SGCZ: variants seen among roughly 807,000 people sequenced by gnomAD.
SGCZ encodes zeta-sarcoglycan.
SGCZ carries 40 observed loss-of-function variants against 41.3 expected under a neutral mutation model. That is an observed-to-expected ratio of 0.97 (90% CI 0.75 to 1.26). SGCZ has a LOEUF of 1.26. Ranked by LOEUF, SGCZ falls within the 50% of genes most tolerant of loss-of-function variation. The pLI, the probability that SGCZ is intolerant of heterozygous loss-of-function variation, is 0.00. For synonymous variants in SGCZ, 206 were observed against 137.5 expected, an observed-to-expected ratio of 1.50 and a Z score of -3.49; for missense variants, 552 against 369.8, an observed-to-expected ratio of 1.49 and a Z score of -4.04.
chr8:14,665,080 T>C (rs139674807), intron 1 of SGCZ, among the ~76,000 whole-genome samples: 2,622 of 152,320 alleles, frequency 0.017, 37 homozygotes, highest in Non-Finnish European at 0.027. Flanking sequence ...TTGTTACATA[T>C]GTATACATGC....
intron 1 of SGCZ, among the ~76,000 whole-genome samples, chr8:15,219,510 T>A (rs760391568): frequency 2.0e-5 from 3 of 152,218 alleles, no homozygotes; most frequent in Non-Finnish European, 4.4e-5. Context: ...GGTGTGTTTT[T>A]TCTTTTATGT....
At chr8:14,994,323 C>T (rs1372493147) in intron 1 of SGCZ, among the ~76,000 whole-genome samples, 1 of 152,116 alleles carries the variant, frequency 6.6e-6, no homozygotes, top group African/African-American at 2.4e-5. Context: ...GTGGCTCCCG[C>T]CTGTAATCCC....
chr8:14,451,426 G>A (rs967800526), intron 2 of SGCZ, among the ~76,000 whole-genome samples: 1 of 152,002 alleles, frequency 6.6e-6, no homozygotes, highest in African/African-American at 2.4e-5. Context: ...AGAAACAGAC[G>A]GTCTCCTTAT....
At chr8:14,165,966 C>T (rs1804196303) in intron 4 of SGCZ, among the ~76,000 whole-genome samples, 1 of 152,104 alleles carries the variant, frequency 6.6e-6, no homozygotes, top group African/African-American at 2.4e-5. Context: ...TACTCCTCCC[C>T]ATCATCATAG....
At chr8:15,146,553 T>A (rs1799041959) in intron 1 of SGCZ, among the ~76,000 whole-genome samples, 1 of 152,202 alleles carries the variant, frequency 6.6e-6, no homozygotes, top group Admixed American at 6.5e-5. Flanking sequence ...GGCCAATTTT[T>A]AAAAATCAAA....
At chr8:15,043,105 C>A (rs1804169577) in intron 1 of SGCZ, among the ~76,000 whole-genome samples, 1 of 152,196 alleles carries the variant, frequency 6.6e-6, no homozygotes, top group Admixed American at 6.5e-5. Flanking sequence ...TGGTTTACAA[C>A]AGCATCCTCA....
intron 2 of SGCZ, among the ~76,000 whole-genome samples, chr8:14,479,731 C>CTTCTTTTTTTT (rs1421864084): frequency 3.8e-5 from 2 of 52,978 alleles, no homozygotes; most frequent in African/African-American, 1.0e-4. Flanking sequence ...AATTCTACTT[C>CTTCTTTTTTTT]TTTTTTTTTT....
chr8:14,975,373 A>G (rs1801431779), intron 1 of SGCZ, among the ~76,000 whole-genome samples: 1 of 152,210 alleles, frequency 6.6e-6, no homozygotes, highest in Non-Finnish European at 1.5e-5. Context: ...GCAGCGTTCC[A>G]TCGAAGCACA....
At chr8:15,181,384 G>C (rs1800173970) in intron 1 of SGCZ, among the ~76,000 whole-genome samples, 1 of 151,968 alleles carries the variant, frequency 6.6e-6, no homozygotes. Context: ...AAGGGCTAAA[G>C]ACCAAATATG....
At chr8:15,002,885 G>A (rs1210451444) in intron 1 of SGCZ, among the ~76,000 whole-genome samples, 2 of 152,236 alleles carry the variant, frequency 1.3e-5, no homozygotes, top group East Asian at 3.9e-4. Context: ...GGGACCCTGG[G>A]GGAGGTAATG....
intron 4 of SGCZ, among the ~76,000 whole-genome samples, chr8:14,208,424 GTC>G (rs1329880494): frequency 6.6e-6 from 1 of 152,122 alleles, no homozygotes; most frequent in Admixed American, 6.5e-5. Context: ...ATGGAAGGTT[GTC>G]TCTCTAGAGC....
intron 3 of SGCZ, among the ~76,000 whole-genome samples, chr8:14,289,659 C>G (rs1800772768): frequency 6.6e-6 from 1 of 151,854 alleles, no homozygotes; most frequent in South Asian, 2.1e-4. Context: ...AATAAACTCA[C>G]ACATTTATAG....
chr8:15,220,799 G>A lies in SGCZ; in HGVS notation c.39+16786C>T, dbSNP rs141093331. ...CAGTGATAAACTGGATTAAGAAAAT[G>A]TGGCACATATACACCACGGAATACT... On this transcript the variant is annotated intron_variant, in intron 1 of 7. Coordinates refer to ENST00000382080, the MANE Select transcript of SGCZ (RefSeq NM_139167.4). Among the ~76,000 whole-genome samples the A allele has an allele frequency of 9.4e-3, 1,431 of 152,248 alleles. 9 individuals carry two copies. Among genetic ancestry groups the A allele is most frequent in the Non-Finnish European group, 0.015 (1,018 of 68,020 alleles).
At chr8:14,673,465 ACTCTCT>A (rs142795356) in intron 1 of SGCZ, among the ~76,000 whole-genome samples, 1 of 133,844 alleles carries the variant, frequency 7.5e-6, no homozygotes, top group African/African-American at 2.8e-5. Context: ...TCTCTCTCTC[ACTCTCT>A]CTCTCTCTCC....
intron 6 of SGCZ, 83 bp downstream of exon 6, chr8:14,108,080 A>C: frequency 9.1e-7 from 1 of 1,097,366 alleles, no homozygotes; most frequent in South Asian, 1.4e-5. Context: ...ACATTTGTCT[A>C]GTTGTCTATT....
chr8:14,361,910 T>A (rs1324408804), intron 2 of SGCZ, among the ~76,000 whole-genome samples: 1 of 152,186 alleles, frequency 6.6e-6, no homozygotes, highest in African/African-American at 2.4e-5. Context: ...TCCTTTCTGT[T>A]TGTTACTTTT....
In SGCZ at chr8:14,726,318, A is replaced by C. The variant is rs1023607462; in HGVS notation, c.40-171392T>G. 9.6e-5 allele frequency among the ~76,000 whole-genome samples: 13 copies of C among 134,956 alleles called. 1 individual carries two copies. Among genetic ancestry groups the C allele is most frequent in the Non-Finnish European group, 1.6e-4 (10 of 63,490 alleles). The allele number at this position is 134,956 out of a possible 152,430, so 88.5% of individuals were successfully genotyped here. The stretch of plus-strand genomic sequence containing the variant: ...TGTGTATATGTGTAAATACATATAT[A>C]TATATCTATATATATATATATATAA... On this transcript the variant is annotated intron_variant, in intron 1 of 7. Coordinates refer to ENST00000382080, the MANE Select transcript of SGCZ (RefSeq NM_139167.4).
intron 2 of SGCZ, among the ~76,000 whole-genome samples, chr8:14,414,463 G>A (rs957188976): frequency 1.3e-5 from 2 of 151,700 alleles, no homozygotes; most frequent in South Asian, 2.1e-4. Context: ...ATGGGTCTGA[G>A]GTATTTTAAA....
intron 4 of SGCZ, among the ~76,000 whole-genome samples, chr8:14,229,032 AC>A (rs1384789140): frequency 6.6e-6 from 1 of 152,116 alleles, no homozygotes; most frequent in Non-Finnish European, 1.5e-5. Flanking sequence ...GGCATAGGGT[AC>A]TTGGAAAGAG....
Sources: allele counts gnomAD v4.1 joint callset (sites outside exome capture counted in the v4.1 genomes callset), GRCh38; gene constraint gnomAD v4.1.1; transcripts MANE v1.5; gene names NCBI Gene and HGNC (gene_info 2026-07-23, HGNC 2026-07-21).